The following DLGAP1 variants were observed in gnomAD, a reference collection of about 807,000 sequenced individuals.
DLGAP1 encodes disks large-associated protein 1.
Under a neutral mutation model 90.8 loss-of-function variants are expected in DLGAP1, and 11 were observed. That is an observed-to-expected ratio of 0.12 (90% CI 0.08 to 0.20). The LOEUF (loss-of-function observed/expected upper bound fraction) is 0.20, where lower values mean the gene tolerates loss of function less well. Ranked by LOEUF, DLGAP1 falls within the 10% of genes least tolerant of loss-of-function variation. DLGAP1 has a pLI of 1.00. For synonymous variants in DLGAP1, 558 were observed against 540.7 expected (o/e 1.03, Z -0.44); for missense variants, 1,050 against 1,333.8 (o/e 0.79, Z 3.31).
intron 3 of DLGAP1, among the ~76,000 whole-genome samples, chr18:3,966,310 T>C (rs1335717959): frequency 6.6e-6 from 1 of 152,042 alleles, no homozygotes; most frequent in African/African-American, 2.4e-5. Flanking sequence ...AGTAGTGCTC[T>C]ATTTGCCTTA....
chr18:4,356,922 G>A (rs2081528484), intron 1 of DLGAP1, among the ~76,000 whole-genome samples: 1 of 151,990 alleles, frequency 6.6e-6, no homozygotes, highest in Admixed American at 6.6e-5. Context: ...CTTAGCCTTT[G>A]TTGTTCCTCC....
At chr18:3,834,305 CAAAA>C (rs35630074) in intron 4 of DLGAP1, among the ~76,000 whole-genome samples, 1 of 33,166 alleles carries the variant, frequency 3.0e-5, no homozygotes. Context: ...GACTCTGTCT[CAAAA>C]AAAAAAAAAA....
chr18:4,216,440 T>C (rs1239708085), intron 1 of DLGAP1, among the ~76,000 whole-genome samples: 2 of 152,194 alleles, frequency 1.3e-5, no homozygotes, highest in African/African-American at 2.4e-5. Flanking sequence ...TTTATTTTCA[T>C]TCATGTTCAT....
chr18:3,929,286 G>A (rs2072463785), intron 3 of DLGAP1, among the ~76,000 whole-genome samples: 1 of 152,130 alleles, frequency 6.6e-6, no homozygotes, highest in Admixed American at 6.6e-5. Context: ...AAGAGCTCAC[G>A]GTCTAAAGCT....
chr18:3,596,876 T>A (rs756556398), intron 7 of DLGAP1: 1 of 520,098 alleles, frequency 1.9e-6, no homozygotes, highest in Admixed American at 1.9e-5. Context: ...GTGTTTGATG[T>A]TGGCCAATGC....
intron 11 of DLGAP1, among the ~76,000 whole-genome samples, chr18:3,504,306 C>A (rs772411971): frequency 2.0e-5 from 3 of 152,104 alleles, no homozygotes; most frequent in African/African-American, 7.2e-5. Context: ...CAGACACTTA[C>A]AAACTTTAAA....
intron 1 of DLGAP1, among the ~76,000 whole-genome samples, chr18:4,155,936 G>A (rs996903643): frequency 1.3e-5 from 2 of 152,202 alleles, no homozygotes; most frequent in African/African-American, 4.8e-5. Context: ...ACCACCTGGA[G>A]ACAGGCAACA....
intron 7 of DLGAP1, among the ~76,000 whole-genome samples, chr18:3,612,576 C>CGGGT (rs2057687115): frequency 2.0e-5 from 3 of 152,104 alleles, no homozygotes; most frequent in Non-Finnish European, 4.4e-5. Flanking sequence ...TAGTGCCAGG[C>CGGGT]GGGTGGTGTA....
chr18:3,959,803 C>T (rs1051654765), intron 3 of DLGAP1, among the ~76,000 whole-genome samples: 2 of 152,074 alleles, frequency 1.3e-5, no homozygotes, highest in Non-Finnish European at 2.9e-5. Flanking sequence ...TTTTATGTAA[C>T]CCGATGCATC....
At chr18:4,189,682 C>T (rs1280299733) in intron 1 of DLGAP1, among the ~76,000 whole-genome samples, 3 of 152,018 alleles carry the variant, frequency 2.0e-5, no homozygotes, top group Non-Finnish European at 4.4e-5. Context: ...AGAAGGAAGT[C>T]AGAGGACTGA....
chr18:3,916,940 T>C (rs972661711), intron 3 of DLGAP1, among the ~76,000 whole-genome samples: 2 of 152,218 alleles, frequency 1.3e-5, no homozygotes, highest in Non-Finnish European at 1.5e-5. Context: ...GACTTTACGA[T>C]GGTGCAAAAG....
At chr18:4,391,249 A>G (rs1230004026) in intron 1 of DLGAP1, among the ~76,000 whole-genome samples, 1 of 152,144 alleles carries the variant, frequency 6.6e-6, no homozygotes, top group Non-Finnish European at 1.5e-5. Context: ...GGGAAACTCA[A>G]CCGGGTCACT....
At chr18:3,818,099 T>C (rs1382444885) in intron 4 of DLGAP1, among the ~76,000 whole-genome samples, 1 of 152,142 alleles carries the variant, frequency 6.6e-6, no homozygotes, top group African/African-American at 2.4e-5. Flanking sequence ...TTTATAGTAG[T>C]TATGGATGAG....
At chr18:3,605,152 T>A (rs4098999) in intron 7 of DLGAP1, among the ~76,000 whole-genome samples, 1 of 152,032 alleles carries the variant, frequency 6.6e-6, no homozygotes, top group African/African-American at 2.4e-5. Context: ...TTCTGCCTCC[T>A]CCTGACCACT....
intron 3 of DLGAP1, among the ~76,000 whole-genome samples, chr18:3,918,698 T>C (rs2072200791): frequency 6.6e-6 from 1 of 152,160 alleles, no homozygotes; most frequent in African/African-American, 2.4e-5. Flanking sequence ...CTACCCTTCC[T>C]GGGGATCGTG....
intron 2 of DLGAP1, among the ~76,000 whole-genome samples, chr18:4,094,538 A>C (rs1021405646): frequency 2.0e-5 from 3 of 151,300 alleles, no homozygotes; most frequent in South Asian, 4.2e-4. Context: ...GCCTTAAATA[A>C]ATTCAGTTTT....
At chr18:3,871,871 A>C (rs1267004875) in intron 4 of DLGAP1, among the ~76,000 whole-genome samples, 1 of 152,220 alleles carries the variant, frequency 6.6e-6, no homozygotes, top group Non-Finnish European at 1.5e-5. Context: ...GTGTATATAT[A>C]AACCTGCACA....
intron 3 of DLGAP1, among the ~76,000 whole-genome samples, chr18:3,955,483 G>A (rs1416423775): frequency 2.0e-5 from 3 of 152,114 alleles, no homozygotes; most frequent in Non-Finnish European, 2.9e-5. Flanking sequence ...AGGCCGAGGC[G>A]GGTAGATCAC....
intron 7 of DLGAP1, chr18:3,594,518 G>A (rs973525746): frequency 2.6e-5 from 4 of 152,130 alleles, no homozygotes; most frequent in Non-Finnish European, 5.9e-5. Context: ...GGAGGTCTTT[G>A]CTGGACTTGT....
Sources: gnomAD v4.1 joint callset for allele counts (sites outside exome capture counted in the v4.1 genomes callset) on GRCh38, gnomAD v4.1.1 for gene constraint, MANE v1.5 for transcripts, NCBI Gene and HGNC (gene_info 2026-07-23, HGNC 2026-07-21) for gene names.